VRK1: variants seen among roughly 807,000 people sequenced by gnomAD.
VRK1 encodes the protein VRK serine/threonine kinase 1.
VRK1 carries 33 observed loss-of-function variants against 57.1 expected under a neutral mutation model. The observed-to-expected ratio is 0.58, with a 90% confidence interval of 0.44 to 0.77. The LOEUF is 0.77. VRK1 is among the 30% of genes least tolerant of loss of function. The pLI, the probability that VRK1 is intolerant of heterozygous loss-of-function variation, is 0.00. For missense variants in VRK1, 413 were observed against 477.3 expected (o/e 0.87, Z 1.25); for synonymous variants, 137 against 147.8 (o/e 0.93, Z 0.53).
At chr14:96,835,289 G>C (rs1887169988) in intron 2 of VRK1, among the ~76,000 whole-genome samples, 1 of 152,166 alleles carries the variant, frequency 6.6e-6, no homozygotes, top group Admixed American at 6.5e-5. Flanking sequence ...TGTAGCATTT[G>C]ATACTGTTTA....
chr14:96,877,810 GT>G (rs1889104267), intron 12 of VRK1: 1 of 437,586 alleles, frequency 2.3e-6, no homozygotes, highest in Admixed American at 6.4e-5. Flanking sequence ...AGCATCAAGC[GT>G]TTTTGTTTTG....
intron 1 of VRK1, among the ~76,000 whole-genome samples, chr14:96,813,998 C>T (rs147470853): frequency 2.2e-3 from 329 of 151,970 alleles, no homozygotes; most frequent in Middle Eastern, 3.4e-3. Context: ...TTTAAGTTAC[C>T]CAGCATATAG....
At chr14:96,816,462 A>G (rs560972137) in intron 1 of VRK1, among the ~76,000 whole-genome samples, 47 of 152,298 alleles carry the variant, frequency 3.1e-4, no homozygotes, top group Non-Finnish European at 6.5e-4. Context: ...CATCCAATGT[A>G]GAGAAACTCC....
intron 1 of VRK1, among the ~76,000 whole-genome samples, chr14:96,798,691 A>G (rs564372087): frequency 6.6e-6 from 1 of 152,298 alleles, no homozygotes; most frequent in African/African-American, 2.4e-5. Flanking sequence ...TCTTTATGAC[A>G]TGCTGAGCAT....
At chr14:96,841,893 C>A (rs534233814) in intron 3 of VRK1, among the ~76,000 whole-genome samples, 1 of 152,146 alleles carries the variant, frequency 6.6e-6, no homozygotes, top group South Asian at 2.1e-4. Context: ...CTTTCTCCTT[C>A]CCTTTGAAGG....
chr14:96,811,087 G>A (rs1057418647), intron 1 of VRK1, among the ~76,000 whole-genome samples: 5 of 151,956 alleles, frequency 3.3e-5, no homozygotes, highest in African/African-American at 7.3e-5. Context: ...ACGCCACCAC[G>A]CCCAGCTAAT....
At chr14:96,855,932 A>G (rs1338606522) in intron 8 of VRK1, among the ~76,000 whole-genome samples, 198 bp from the exon 9 acceptor site, 1 of 152,222 alleles carries the variant, frequency 6.6e-6, no homozygotes, top group Non-Finnish European at 1.5e-5. Context: ...GTAGATTATT[A>G]GCTAGAAGTT....
At chr14:96,862,936 A>G (rs1039280889) in intron 11 of VRK1, among the ~76,000 whole-genome samples, 12 of 152,214 alleles carry the variant, frequency 7.9e-5, no homozygotes, top group Non-Finnish European at 1.8e-4. Context: ...TAATCAGTTT[A>G]ATATATGTTT....
At position 96,876,840 on chromosome 14, in the gene VRK1, CT is replaced by C. The variant is rs375267263; in HGVS notation, c.1159+722del. Among the ~76,000 whole-genome samples, 124 of 151,004 alleles carry C rather than the reference CT, an allele frequency of 8.2e-4. 1 individual carries two copies. Among genetic ancestry groups the C allele is most frequent in the African/African-American group, 2.9e-3 (119 of 41,182 alleles). On this transcript the variant is annotated intron_variant, in intron 12 of 12. Transcript: ENST00000216639. ...GTATGAAGTCATTTTTCTGAGATGG[CT>C]TATAAACTGGCACTGAAGGCACTTC...
chr14:96,840,101 T>C (rs953887823), intron 3 of VRK1, among the ~76,000 whole-genome samples: 2 of 152,186 alleles, frequency 1.3e-5, no homozygotes, highest in African/African-American at 4.8e-5. Context: ...AATCTCATTG[T>C]TGATTTTGGT....
chr14:96,878,013 C>G (rs1210490528), intron 12 of VRK1, among the ~76,000 whole-genome samples: 1 of 152,036 alleles, frequency 6.6e-6, no homozygotes, highest in Non-Finnish European at 1.5e-5. Flanking sequence ...TTTGACCTAA[C>G]TTTTTCAGAA....
chr14:96,810,433 T>C (rs765367094), intron 1 of VRK1, among the ~76,000 whole-genome samples: 1 of 152,206 alleles, frequency 6.6e-6, no homozygotes, highest in Non-Finnish European at 1.5e-5. Flanking sequence ...TTCTAGAAGC[T>C]TTAGTATTTT....
intron 11 of VRK1, among the ~76,000 whole-genome samples, chr14:96,871,862 C>T (rs1466767904): frequency 1.3e-5 from 2 of 151,814 alleles, no homozygotes; most frequent in African/African-American, 4.8e-5. Flanking sequence ...GCTCTGTCAC[C>T]CAGGCTGGAG....
At chr14:96,812,161 A>C (rs1465748697) in intron 1 of VRK1, among the ~76,000 whole-genome samples, 1 of 152,144 alleles carries the variant, frequency 6.6e-6, no homozygotes, top group Non-Finnish European at 1.5e-5. Flanking sequence ...AGGTGTACCA[A>C]ATTTGATTTA....
intron 12 of VRK1, 68 bp downstream of exon 12, chr14:96,876,188 G>C: frequency 6.8e-7 from 1 of 1,462,924 alleles, no homozygotes; most frequent in Non-Finnish European, 9.6e-7. Flanking sequence ...CCCATTAGAT[G>C]AGGGGTCAAC....
At chr14:96,818,495 A>C (rs1295439843) in intron 1 of VRK1, among the ~76,000 whole-genome samples, 8 of 152,138 alleles carry the variant, frequency 5.3e-5, no homozygotes, top group Non-Finnish European at 1.5e-5. Context: ...CTAGTGTGAC[A>C]ATTGCTGCTA....
chr14:96,813,274 A>G (rs1460497528), intron 1 of VRK1, among the ~76,000 whole-genome samples: 1 of 152,186 alleles, frequency 6.6e-6, no homozygotes, highest in African/African-American at 2.4e-5. Flanking sequence ...TTTCTTTTGC[A>G]TATAGGCAGA....
chr14:96,827,200 C>A (rs1886831181), intron 1 of VRK1, among the ~76,000 whole-genome samples: 1 of 151,960 alleles, frequency 6.6e-6, no homozygotes. Context: ...TTACTTTGTG[C>A]AAGTTAGTAA....
intron 1 of VRK1, among the ~76,000 whole-genome samples, chr14:96,806,277 A>G (rs921448245): frequency 6.6e-6 from 1 of 152,198 alleles, no homozygotes; most frequent in Admixed American, 6.5e-5. Flanking sequence ...CCCATCCTCC[A>G]TGGGTATATA....
Sources: allele counts gnomAD v4.1 joint callset (sites outside exome capture counted in the v4.1 genomes callset), GRCh38; gene constraint gnomAD v4.1.1; transcripts MANE v1.5; gene names NCBI Gene and HGNC (gene_info 2026-07-23, HGNC 2026-07-21).